Variants in EPS8 observed in about 807,000 individuals in gnomAD.
EPS8 encodes epidermal growth factor receptor kinase substrate 8.
A neutral mutation model predicts 103.8 loss-of-function variants in EPS8; 42 were observed. That is an observed-to-expected ratio of 0.40 (90% CI 0.32 to 0.52). The LOEUF (loss-of-function observed/expected upper bound fraction) is 0.52. Among genes scored for constraint, EPS8 ranks in the 20% least tolerant of loss-of-function variants. The pLI is 0.40. For synonymous variants in EPS8, 344 were observed against 344.6 expected (o/e 1.00, Z 0.02); for missense variants, 969 against 1,005.1 (o/e 0.96, Z 0.49).
intron 1 of EPS8, among the ~76,000 whole-genome samples, chr12:15,686,728 C>G (rs1474939324): frequency 2.6e-5 from 4 of 152,000 alleles, no homozygotes; most frequent in African/African-American, 9.7e-5. Context: ...TTTTAGATTC[C>G]TTTTCTTTAC....
At chr12:15,646,338 T>C (rs1248817528) in intron 15 of EPS8, among the ~76,000 whole-genome samples, 1 of 152,178 alleles carries the variant, frequency 6.6e-6, no homozygotes, top group African/African-American at 2.4e-5. Context: ...CATATAACTC[T>C]TGTGGTAAGA....
intron 1 of EPS8, among the ~76,000 whole-genome samples, chr12:15,689,831 C>T (rs766254433): frequency 5.3e-5 from 8 of 152,092 alleles, no homozygotes; most frequent in Non-Finnish European, 8.8e-5. Context: ...GTTGGATTCA[C>T]GGAAGTAGAA....
At chr12:15,673,231 C>T (rs1370389635) in intron 3 of EPS8, among the ~76,000 whole-genome samples, 1 of 152,106 alleles carries the variant, frequency 6.6e-6, no homozygotes, top group Admixed American at 6.6e-5. Context: ...TCCTAAGCTG[C>T]TTTCTCTATG....
chr12:15,658,213 G>A lies in EPS8; in HGVS notation c.1027-60C>T, dbSNP rs534765945. 5.8e-5 allele frequency: 67 copies of A among 1,145,438 alleles called. No individual in the cohort carries two copies. The East Asian group carries it at 1.5e-3, about 26-fold the overall frequency. The allele number at this position is 1,145,438 out of a possible 1,614,324, so 71.0% of individuals were successfully genotyped here. On this transcript the variant is annotated intron_variant, in intron 11 of 20. Transcript: ENST00000281172. Reference sequence around the variant, plus strand: ...TCAAGCAAGACAGACACTCAGAAAGGTCCAACATAGACACAGAGGGGACGG... The same window carrying A: ...TCAAGCAAGACAGACACTCAGAAAGATCCAACATAGACACAGAGGGGACGG...
At chr12:15,645,175 T>A (rs1176436165) in intron 15 of EPS8, among the ~76,000 whole-genome samples, 3 of 152,108 alleles carry the variant, frequency 2.0e-5, no homozygotes. Flanking sequence ...AAAAAAATTG[T>A]TAAAAATAAA....
At chr12:15,664,098 T>G (rs904029034) in intron 8 of EPS8, among the ~76,000 whole-genome samples, 1 of 150,082 alleles carries the variant, frequency 6.7e-6, no homozygotes, top group African/African-American at 2.4e-5. Context: ...TTATCCTTCC[T>G]CTACTTCAGA....
chr12:15,664,453 T>C (rs1416163846), intron 8 of EPS8, among the ~76,000 whole-genome samples: 1 of 152,188 alleles, frequency 6.6e-6, no homozygotes, highest in Non-Finnish European at 1.5e-5. Context: ...CCACAAATTA[T>C]GCTTACTATT....
chr12:15,688,237 C>T lies in EPS8; in HGVS notation c.-21-5265G>A, dbSNP rs891024288. Among the ~76,000 whole-genome samples, 1 of 152,134 alleles carries T rather than the reference C, an allele frequency of 6.6e-6. No individual in the cohort carries two copies. The stretch of plus-strand genomic sequence containing the variant: ...TTTATCCTTAAAACAACATTATCAG[C>T]TAGTTATTGGCTCTATTTTATGGGT... On this transcript the variant is annotated intron_variant, in intron 1 of 20. Transcript: ENST00000281172. The surrounding 1 kb of genome is among the most constrained non-coding windows in gnomAD (Gnocchi z 5.1).
At chr12:15,763,404 A>T (rs1047815926) in intron 1 of EPS8, among the ~76,000 whole-genome samples, 2 of 152,214 alleles carry the variant, frequency 1.3e-5, no homozygotes, top group Non-Finnish European at 2.9e-5. Flanking sequence ...AAATGGAGAA[A>T]GTACACTAAT....
rs2136050443 is a variant in EPS8 at position 15,777,392 on chromosome 12, C to T, written c.-22+11769G>A. Among the ~76,000 whole-genome samples, 1 of 152,228 alleles carries T rather than the reference C, an allele frequency of 6.6e-6. No homozygotes were observed. The highest frequency in any genetic ancestry group is 1.9e-4 in the East Asian group (1 of 5,176). Reference sequence around the variant, plus strand: ...ATAAAAACTGAATGGTGTTAAGATGCATTCCAGTTAAAGTTAAGCACTGTT... The same window carrying T: ...ATAAAAACTGAATGGTGTTAAGATGTATTCCAGTTAAAGTTAAGCACTGTT... On this transcript the variant is annotated intron_variant, in intron 1 of 20. Transcript: ENST00000281172. The surrounding 1 kb of genome is among the most constrained non-coding windows in gnomAD (Gnocchi z 4.7).
At chr12:15,641,974 T>C in intron 15 of EPS8, 144 bp from the exon 16 acceptor site, 1 of 427,148 alleles carries the variant, frequency 2.3e-6, no homozygotes, top group Non-Finnish European at 4.1e-6. Context: ...TACATTATGA[T>C]AAATAAAAGT....
At chr12:15,646,576 T>C (rs959505935) in intron 15 of EPS8, among the ~76,000 whole-genome samples, 15 of 152,174 alleles carry the variant, frequency 9.9e-5, no homozygotes, top group African/African-American at 3.1e-4. Flanking sequence ...TCTGCCTATA[T>C]TAAATTTTTT....
In EPS8 at chr12:15,776,516, C is replaced by T. The variant is rs763644273; in HGVS notation, c.-22+12645G>A. On this transcript the variant is annotated intron_variant, in intron 1 of 20. Coordinates refer to ENST00000281172, the MANE Select transcript of EPS8 (RefSeq NM_004447.6). This position sits in a 1 kb window ranked among gnomAD's most constrained non-coding sequence, Gnocchi z 4.2. ...GCAAGCATTTGTTACACCTAATACC[C>T]AAAACCCAAATGATGCCCACGTTAG... Among the ~76,000 whole-genome samples the T allele has an allele frequency of 6.6e-6, 1 of 152,146 alleles. No individual in the cohort carries two copies. The highest frequency in any genetic ancestry group is 1.5e-5 in the Non-Finnish European group (1 of 68,012).
chr12:15,652,751 C>T (rs1591821954), intron 13 of EPS8, among the ~76,000 whole-genome samples: 1 of 152,136 alleles, frequency 6.6e-6, no homozygotes, highest in East Asian at 1.9e-4. Context: ...AAAGAATTTT[C>T]TGCTTAACTA....
intron 8 of EPS8, chr12:15,662,713 A>C: frequency 4.7e-6 from 4 of 853,760 alleles, no homozygotes; most frequent in Non-Finnish European, 5.4e-6. Context: ...AGTTGGCTAC[A>C]GCATGATGTT....
chr12:15,659,410 A>C (rs375717386), intron 10 of EPS8, among the ~76,000 whole-genome samples: 1 of 152,152 alleles, frequency 6.6e-6, no homozygotes, highest in East Asian at 1.9e-4. Context: ...GATACAGGAG[A>C]TGTTGAGAAA....
Position 15,650,831 on chromosome 12 carries a change from A to T in EPS8, c.1426T>A (p.Ser476Thr). Residue 476 changes from serine to threonine, a missense_variant, in exon 14 of 21, where the codon TCC becomes ACC. Transcript: ENST00000281172. ...GTTAAAAAAAAAACTACCTCTGTGG[A>T]TAATCTTTTTATTTCCTGTTTGCGC... is the stretch of plus-strand genomic sequence containing the variant. ...HQRKQEIKRL[S>T]TEHSSVSEYH... 2 of 1,612,646 alleles carry T rather than the reference A, an allele frequency of 1.2e-6. No homozygotes were observed. The highest frequency in any genetic ancestry group is 2.2e-5 in the South Asian group (2 of 90,452).
At chr12:15,758,214 G>A (rs921424759) in intron 1 of EPS8, among the ~76,000 whole-genome samples, 1 of 152,178 alleles carries the variant, frequency 6.6e-6, no homozygotes, top group African/African-American at 2.4e-5. Flanking sequence ...CTCAGCTGCA[G>A]GAATGTCAGT....
intron 1 of EPS8, among the ~76,000 whole-genome samples, chr12:15,739,049 A>G (rs1172222761): frequency 1.3e-5 from 2 of 152,214 alleles, no homozygotes; most frequent in Non-Finnish European, 2.9e-5. Flanking sequence ...CCTTTAATCT[A>G]TAATAATAGC....
Sources: allele counts gnomAD v4.1 joint callset (sites outside exome capture counted in the v4.1 genomes callset), GRCh38; gene constraint gnomAD v4.1.1; non-coding constraint Gnocchi (gnomAD v3.1); transcripts MANE v1.5; gene names NCBI Gene and HGNC (gene_info 2026-07-23, HGNC 2026-07-21).